GRIA4: variants seen among roughly 807,000 people sequenced by gnomAD.
GRIA4 encodes the protein glutamate receptor 4.
In GRIA4, 34 loss-of-function variants were observed where a neutral mutation model predicts 104.0. The ratio of observed to expected loss-of-function variants is 0.33; its 90% CI spans 0.25 to 0.44. The LOEUF is 0.44. GRIA4 is among the 20% of genes least tolerant of loss of function. The pLI, the probability that GRIA4 is intolerant of heterozygous loss-of-function variation, is 1.00. For synonymous variants in GRIA4, 386 were observed against 381.9 expected (o/e 1.01, Z -0.13); for missense variants, 750 against 1,096.5 (o/e 0.68, Z 4.46).
chr11:105,811,951 C>T (rs896702281), intron 4 of GRIA4, among the ~76,000 whole-genome samples: 1 of 152,136 alleles, frequency 6.6e-6, no homozygotes. Flanking sequence ...AGTTTCACCT[C>T]CTCCCCTCTC....
intron 3 of GRIA4, among the ~76,000 whole-genome samples, chr11:105,712,346 G>T (rs1953940361): frequency 6.6e-6 from 1 of 151,926 alleles, no homozygotes; most frequent in Admixed American, 6.6e-5. Flanking sequence ...AGAGAAAGCT[G>T]TTGTTATATT....
At chr11:105,915,731 T>C (rs61902579) in intron 10 of GRIA4, among the ~76,000 whole-genome samples, 57 of 152,324 alleles carry the variant, frequency 3.7e-4, no homozygotes, top group Admixed American at 1.5e-3. Flanking sequence ...TTTAATCTTG[T>C]TCCCTAAGTC....
chr11:105,881,848 A>G (rs915643525), intron 5 of GRIA4, among the ~76,000 whole-genome samples: 3 of 151,718 alleles, frequency 2.0e-5, no homozygotes, highest in Admixed American at 2.0e-4. Flanking sequence ...CACACAAAAC[A>G]GCCTTAGTTT....
chr11:105,748,124 G>A (rs75753327), intron 3 of GRIA4, among the ~76,000 whole-genome samples: 4,361 of 152,198 alleles, frequency 0.029, 170 homozygotes, highest in African/African-American at 0.085. Flanking sequence ...TTTGGGGCAA[G>A]ACTTAATTTC....
At chr11:105,827,370 T>C (rs1389075630) in intron 4 of GRIA4, among the ~76,000 whole-genome samples, 1 of 151,980 alleles carries the variant, frequency 6.6e-6, no homozygotes, top group Non-Finnish European at 1.5e-5. Context: ...GATTCATTAC[T>C]ATTAAGCAGA....
chr11:105,630,433 A>C (rs1229094387), intron 3 of GRIA4, among the ~76,000 whole-genome samples: 1 of 152,046 alleles, frequency 6.6e-6, no homozygotes, highest in Non-Finnish European at 1.5e-5. Flanking sequence ...GCGTGGTGGC[A>C]TGTGCCTGTA....
chr11:105,620,300 C>T (rs1237513097), intron 3 of GRIA4, among the ~76,000 whole-genome samples: 1 of 146,452 alleles, frequency 6.8e-6, no homozygotes, highest in Non-Finnish European at 1.5e-5. Flanking sequence ...ATTTTGTGAT[C>T]TCAATTTTTA....
intron 5 of GRIA4, among the ~76,000 whole-genome samples, chr11:105,878,729 A>G (rs1945932312): frequency 1.3e-5 from 2 of 152,236 alleles, no homozygotes; most frequent in East Asian, 3.9e-4. Context: ...GTAATGGCAG[A>G]GGCCCTTCCC....
At chr11:105,935,208 A>G (rs1172383494) in intron 14 of GRIA4, among the ~76,000 whole-genome samples, 3 of 152,146 alleles carry the variant, frequency 2.0e-5, no homozygotes, top group Admixed American at 1.3e-4. Context: ...CAACAGTGTA[A>G]TAATTAGTGA....
At chr11:105,649,653 A>C (rs1161155354) in intron 3 of GRIA4, among the ~76,000 whole-genome samples, 1 of 152,138 alleles carries the variant, frequency 6.6e-6, no homozygotes, top group Non-Finnish European at 1.5e-5. Context: ...ATAAAAGTCA[A>C]ACTTTATGAG....
chr11:105,753,617 G>A (rs928629041), intron 4 of GRIA4, among the ~76,000 whole-genome samples: 1 of 152,064 alleles, frequency 6.6e-6, no homozygotes. Context: ...ATTCAATCCT[G>A]ACATTATCTA....
chr11:105,834,820 G>A (rs951849176), intron 4 of GRIA4, among the ~76,000 whole-genome samples: 3 of 149,874 alleles, frequency 2.0e-5, no homozygotes, highest in African/African-American at 7.4e-5. Flanking sequence ...GCAGCAAGTT[G>A]ATGTACTAAC....
intron 3 of GRIA4, among the ~76,000 whole-genome samples, chr11:105,689,416 G>A (rs776495215): frequency 7.9e-5 from 12 of 152,140 alleles, no homozygotes; most frequent in South Asian, 6.2e-4. Flanking sequence ...AGTTGTGTAC[G>A]TTTTTTCTGA....
intron 4 of GRIA4, among the ~76,000 whole-genome samples, chr11:105,805,931 G>C (rs918621337): frequency 6.6e-6 from 1 of 151,728 alleles, no homozygotes; most frequent in Admixed American, 6.6e-5. Context: ...AATAAATTTA[G>C]AAGAAAATAT....
chr11:105,975,652 T>G (rs1166015906), intron 16 of GRIA4, among the ~76,000 whole-genome samples: 1 of 152,000 alleles, frequency 6.6e-6, no homozygotes, highest in Non-Finnish European at 1.5e-5. Context: ...GATAAGTGAG[T>G]CTTTGAACTT....
At chr11:105,849,056 G>T (rs879662462) in intron 4 of GRIA4, among the ~76,000 whole-genome samples, 7 of 152,172 alleles carry the variant, frequency 4.6e-5, no homozygotes, top group Non-Finnish European at 8.8e-5. Flanking sequence ...GCTGGGCATT[G>T]TGGCAGGTGC....
chr11:105,664,515 A>G (rs1463901312), intron 3 of GRIA4, among the ~76,000 whole-genome samples: 1 of 151,916 alleles, frequency 6.6e-6, no homozygotes, highest in Non-Finnish European at 1.5e-5. Context: ...TGAAGGAGAT[A>G]ACGTTAGTTC....
intron 6 of GRIA4, among the ~76,000 whole-genome samples, chr11:105,895,602 G>C (rs1182673993): frequency 7.0e-6 from 1 of 142,942 alleles, no homozygotes; most frequent in Non-Finnish European, 1.5e-5. Context: ...CAATAGATAT[G>C]ATACATGAGA....
At chr11:105,724,988 T>A (rs1363132864) in intron 3 of GRIA4, among the ~76,000 whole-genome samples, 1 of 152,192 alleles carries the variant, frequency 6.6e-6, no homozygotes, top group Non-Finnish European at 1.5e-5. Context: ...TGCATTTGAA[T>A]CTCATCTCTA....
Sources: gnomAD v4.1 joint callset for allele counts (sites outside exome capture counted in the v4.1 genomes callset) on GRCh38, gnomAD v4.1.1 for gene constraint, MANE v1.5 for transcripts, NCBI Gene and HGNC (gene_info 2026-07-23, HGNC 2026-07-21) for gene names.